Variants in DNAH11 observed in about 807,000 individuals in gnomAD.
DNAH11 encodes the protein dynein axonemal heavy chain 11, also known as axonemal beta dynein heavy chain 11.
In DNAH11, 442 loss-of-function variants were observed where a neutral mutation model predicts 526.0. That is an observed-to-expected ratio of 0.84 (90% CI 0.78 to 0.91). The LOEUF (loss-of-function observed/expected upper bound fraction) is 0.91, where lower values mean the gene tolerates loss of function less well. DNAH11 is among the 40% of genes least tolerant of loss of function. The pLI, the probability that DNAH11 is intolerant of heterozygous loss-of-function variation, is 0.00. For synonymous variants in DNAH11, 2,461 were observed against 1,935.9 expected (o/e 1.27, Z -7.12); for missense variants, 6,989 against 5,448.7 (o/e 1.28, Z -8.90).
chr7:21,583,045 C>G (rs1023528172), intron 9 of DNAH11, among the ~76,000 whole-genome samples: 2 of 152,164 alleles, frequency 1.3e-5, no homozygotes, highest in African/African-American at 4.8e-5. Context: ...CTATCCCCAT[C>G]AAGCTACCAC....
intron 25 of DNAH11, among the ~76,000 whole-genome samples, chr7:21,625,741 G>A (rs974034842): frequency 6.6e-6 from 1 of 151,810 alleles, no homozygotes; most frequent in Non-Finnish European, 1.5e-5. Flanking sequence ...TTCTCTTTTA[G>A]TTTCTTCTTT....
intron 6 of DNAH11, among the ~76,000 whole-genome samples, chr7:21,569,416 G>A (rs1229813553): frequency 6.6e-6 from 1 of 152,206 alleles, no homozygotes; most frequent in Non-Finnish European, 1.5e-5. Flanking sequence ...AAGAAGTTGG[G>A]AGTGTCGGTT....
chr7:21,872,767 G>C (rs1479567983), intron 73 of DNAH11, among the ~76,000 whole-genome samples: 2 of 152,214 alleles, frequency 1.3e-5, no homozygotes, highest in Non-Finnish European at 1.5e-5. Flanking sequence ...CTTGCTTTCA[G>C]CTAGCCTTGC....
At chr7:21,748,471 A>G (rs1202836190) in intron 51 of DNAH11, 109 bp from the exon 52 acceptor site, 3 of 1,216,272 alleles carry the variant, frequency 2.5e-6, no homozygotes, top group Non-Finnish European at 3.1e-6. Context: ...CCTGGGCAAC[A>G]GAGCAAGTCT....
At chr7:21,787,272 G>A in intron 59 of DNAH11, 129 bp from the exon 60 acceptor site, 1 of 805,442 alleles carries the variant, frequency 1.2e-6, no homozygotes, top group South Asian at 2.0e-5. Flanking sequence ...AAGTCAAACA[G>A]TAGGATAAAT....
At chr7:21,833,108 A>C (rs1781852308) in intron 65 of DNAH11, among the ~76,000 whole-genome samples, 1 of 152,242 alleles carries the variant, frequency 6.6e-6, no homozygotes, top group Non-Finnish European at 1.5e-5. Context: ...GAACAATAAC[A>C]AAAATTCTAG....
At chr7:21,585,763 A>T (rs1353186305) in intron 9 of DNAH11, among the ~76,000 whole-genome samples, 2 of 152,228 alleles carry the variant, frequency 1.3e-5, no homozygotes, top group Non-Finnish European at 2.9e-5. Flanking sequence ...GGAAAAATAT[A>T]AATATGTACT....
intron 76 of DNAH11, among the ~76,000 whole-genome samples, chr7:21,884,773 C>T (rs537504015): frequency 6.6e-6 from 1 of 152,220 alleles, no homozygotes. Context: ...CCCCAGGCCA[C>T]TAGGTTGGCA....
At chr7:21,733,558 G>A (rs1271995180) in intron 45 of DNAH11, among the ~76,000 whole-genome samples, 1 of 152,214 alleles carries the variant, frequency 6.6e-6, no homozygotes, top group Admixed American at 6.5e-5. Flanking sequence ...CAAGACTGCT[G>A]AAGACCTGAA....
At position 21,854,322 on chromosome 7, in the gene DNAH11, A is replaced by C. The variant is rs951421085; in HGVS notation, c.11069A>C (p.Glu3690Ala). The change falls in exon 68 of 82, where the codon GAA becomes GCA. Residue 3690 changes from glutamate (E) to alanine (A), a missense_variant. Physicochemically the swap from Glu to Ala is moderately radical, Grantham distance 107. Transcript: ENST00000409508. ...TGTTTGATCCCACCATAGGTGATTG[A>C]AGCCAAAGAAAATGAAAGAAAAATC... ...TVAEIEHKVI[E>A]AKENERKINE... 5 of 1,613,624 alleles carry C rather than the reference A, an allele frequency of 3.1e-6. No homozygotes were observed. In the African/African-American group the frequency reaches 4.0e-5, roughly 13 times the overall value.
At chr7:21,659,941 T>C (rs915811361) in intron 30 of DNAH11, among the ~76,000 whole-genome samples, 3 of 152,112 alleles carry the variant, frequency 2.0e-5, no homozygotes, top group African/African-American at 7.2e-5. Flanking sequence ...ACCCAACTTA[T>C]TTATATTACT....
intron 57 of DNAH11, among the ~76,000 whole-genome samples, chr7:21,781,167 G>T (rs1324888418): frequency 6.6e-6 from 1 of 152,080 alleles, no homozygotes; most frequent in Non-Finnish European, 1.5e-5. Context: ...ACTGTTTCTG[G>T]TCCTATGAAA....
chr7:21,842,711 T>C lies in DNAH11; in HGVS notation c.10859T>C (p.Val3620Ala). ...DGLEAQLLAE[V>A]VSIERPDLEK... ...CTAGAAGCCCAGCTGCTGGCAGAGGTTGTCAGTATTGAAAGGCCAGATTTG... is the reference window on the plus strand; with the variant it reads ...CTAGAAGCCCAGCTGCTGGCAGAGGCTGTCAGTATTGAAAGGCCAGATTTG... Residue 3620 changes from valine to alanine, a missense_variant, in exon 66 of 82, where the codon GTT (valine) becomes GCT (alanine). By Grantham distance (64) the Val-to-Ala change is moderately conservative. Transcript: ENST00000409508. 3 of 1,612,956 alleles carry C rather than the reference T, an allele frequency of 1.9e-6. No homozygotes were observed. Among genetic ancestry groups the C allele is most frequent in the South Asian group, 1.1e-5 (1 of 90,850 alleles).
chr7:21,652,868 A>ATATT (rs904822579), intron 28 of DNAH11, among the ~76,000 whole-genome samples: 7 of 151,828 alleles, frequency 4.6e-5, no homozygotes, highest in East Asian at 1.9e-4. Context: ...GTTTTTTTTA[A>ATATT]TATTTATTTA....
chr7:21,854,334 A>C lies in DNAH11; in HGVS notation c.11081A>C (p.Asn3694Thr). Residue 3694 changes from asparagine (N) to threonine (T), a missense_variant, in exon 68 of 82, where the codon AAT becomes ACT. Transcript: ENST00000409508. ...CCATAGGTGATTGAAGCCAAAGAAA[A>C]TGAAAGAAAAATCAACGAGGCCCGA... ...IEHKVIEAKE[N>T]ERKINEAREC... 4 of 1,613,842 alleles carry C rather than the reference A, an allele frequency of 2.5e-6. No individual in the cohort carries two copies. Among genetic ancestry groups the C allele is most frequent in the Non-Finnish European group, 3.4e-6 (4 of 1,179,844 alleles).
chr7:21,880,603 T>G, intron 74 of DNAH11, 99 bp from the exon 75 acceptor site: 1 of 1,270,678 alleles, frequency 7.9e-7, no homozygotes, highest in Non-Finnish European at 1.1e-6. Flanking sequence ...CTGTAGTATC[T>G]CACTCTCAAA....
chr7:21,873,242 T>G (rs1317885517), intron 73 of DNAH11, 32 bp from the exon 74 acceptor site: 1 of 1,508,664 alleles, frequency 6.6e-7, no homozygotes, highest in Admixed American at 2.0e-5. Flanking sequence ...TGCCTCACCT[T>G]CACAGGAATT....
At chr7:21,833,277 A>T (rs1781858833) in intron 65 of DNAH11, among the ~76,000 whole-genome samples, 1 of 152,226 alleles carries the variant, frequency 6.6e-6, no homozygotes, top group Non-Finnish European at 1.5e-5. Flanking sequence ...GAAAATTCTT[A>T]AGCAAGTGAG....
chr7:21,752,138 A>T (rs1285989035), intron 54 of DNAH11, among the ~76,000 whole-genome samples: 1 of 152,274 alleles, frequency 6.6e-6, no homozygotes, highest in Non-Finnish European at 1.5e-5. Context: ...GATGAAATTT[A>T]AGAGCCATTG....
Sources: allele counts gnomAD v4.1 joint callset (sites outside exome capture counted in the v4.1 genomes callset), GRCh38; gene constraint gnomAD v4.1.1; transcripts MANE v1.5; gene names NCBI Gene and HGNC (gene_info 2026-07-23, HGNC 2026-07-21).